SMURF1: variants seen among roughly 807,000 people sequenced by gnomAD.
SMURF1 encodes SMAD specific E3 ubiquitin protein ligase 1, also known as E3 ubiquitin-protein ligase SMURF1.
In SMURF1, 44 loss-of-function variants were observed where a neutral mutation model predicts 98.0. That is an observed-to-expected ratio of 0.45 (90% CI 0.35 to 0.58). The LOEUF (loss-of-function observed/expected upper bound fraction) is 0.58. Among genes scored for constraint, SMURF1 ranks in the 20% least tolerant of loss-of-function variants. The pLI is 0.00. For synonymous variants in SMURF1, 396 were observed against 374.9 expected (o/e 1.06, Z -0.65); for missense variants, 687 against 938.4 (o/e 0.73, Z 3.50).
Position 99,047,883 on chromosome 7 carries a change from C to A in SMURF1, c.954-1G>T. 1 of 1,613,468 alleles carries A rather than the reference C, an allele frequency of 6.2e-7. No individual in the cohort carries two copies. Among genetic ancestry groups the A allele is most frequent in the Non-Finnish European group, 8.5e-7 (1 of 1,180,018 alleles). On this transcript the variant is annotated splice_acceptor_variant, in intron 9 of 17. Coordinates refer to ENST00000361368, the MANE Select transcript of SMURF1 (RefSeq NM_181349.3). LOFTEE classifies it high-confidence loss of function. ...GGGCTCCTTGAGTTGGCACTGGTGA[C>A]TTGAGAAGAAGAGATGCAGAAAGTC...
intron 1 of SMURF1, among the ~76,000 whole-genome samples, chr7:99,073,250 G>T (rs1163908783): frequency 6.6e-6 from 1 of 151,166 alleles, no homozygotes; most frequent in African/African-American, 2.4e-5. Flanking sequence ...CTGGTGTTGG[G>T]CACCTGTAAT....
intron 1 of SMURF1, among the ~76,000 whole-genome samples, chr7:99,106,704 G>A (rs1584186547): frequency 6.6e-6 from 1 of 152,268 alleles, no homozygotes; most frequent in East Asian, 1.9e-4. Context: ...TTGAGCCTGG[G>A]AGTTCAAATC....
chr7:99,137,728 G>A (rs192769959), intron 1 of SMURF1, among the ~76,000 whole-genome samples: 5 of 152,366 alleles, frequency 3.3e-5, no homozygotes, highest in East Asian at 3.9e-4. Context: ...GAATTACAGA[G>A]TGGGGCGCGT....
At chr7:99,088,990 G>A (rs1464833250) in intron 1 of SMURF1, among the ~76,000 whole-genome samples, 1 of 152,144 alleles carries the variant, frequency 6.6e-6, no homozygotes, top group African/African-American at 2.4e-5. Flanking sequence ...CAGATCACAA[G>A]GTCAAGAGAT....
intron 5 of SMURF1, among the ~76,000 whole-genome samples, chr7:99,055,735 C>G (rs571593029): frequency 4.0e-4 from 61 of 152,072 alleles, no homozygotes; most frequent in Non-Finnish European, 6.6e-4. Flanking sequence ...GAGGCTAAGG[C>G]GGGCGGATCA....
chr7:99,128,265 G>T (rs1288090575), intron 1 of SMURF1, among the ~76,000 whole-genome samples: 2 of 152,196 alleles, frequency 1.3e-5, no homozygotes, highest in Non-Finnish European at 2.9e-5. Flanking sequence ...CTGTTCTCAT[G>T]TGGTTGTCTT....
intron 1 of SMURF1, among the ~76,000 whole-genome samples, chr7:99,109,647 G>T (rs529428813): frequency 6.6e-6 from 1 of 152,054 alleles, no homozygotes; most frequent in Non-Finnish European, 1.5e-5. Flanking sequence ...CTTTGAACTC[G>T]TATATAACCC....
intron 17 of SMURF1, 73 bp downstream of exon 17, chr7:99,032,964 C>CAAA: frequency 1.1e-5 from 14 of 1,308,584 alleles, no homozygotes; most frequent in East Asian, 2.8e-5. Flanking sequence ...AAAAAAACAA[C>CAAA]AAAAAAAAAA....
intron 1 of SMURF1, among the ~76,000 whole-genome samples, chr7:99,089,642 TAAAAC>T (rs59262301): frequency 0.091 from 13,765 of 151,804 alleles, 727 homozygotes; most frequent in East Asian, 0.17. Context: ...CCCTGTCTCT[TAAAAC>T]AAAACAAAAC....
At chr7:99,071,003 ATAAAG>A (rs1387623487) in intron 1 of SMURF1, among the ~76,000 whole-genome samples, 1 of 152,080 alleles carries the variant, frequency 6.6e-6, no homozygotes, top group Non-Finnish European at 1.5e-5. Flanking sequence ...TGAGGGAGAA[ATAAAG>A]TAATAAAGTA....
At chr7:99,088,384 T>C (rs2150575647) in intron 1 of SMURF1, among the ~76,000 whole-genome samples, 1 of 152,186 alleles carries the variant, frequency 6.6e-6, no homozygotes, top group Non-Finnish European at 1.5e-5. Context: ...GCAACCAACA[T>C]GCTCCACCTC....
chr7:99,052,407 G>C lies in SMURF1; in HGVS notation c.519C>G (p.Ser173Arg). 1 of 1,598,838 alleles carries C rather than the reference G, an allele frequency of 6.3e-7. No homozygotes were observed. Among genetic ancestry groups the C allele is most frequent in the Non-Finnish European group, 8.5e-7 (1 of 1,171,338 alleles). ...YEDSGPGRPL[S>R]CFMEEPAPYT... is the part of the protein sequence containing the mutation. ...AAGGGGCTGGTTCCTCCATGAAGCA[G>C]CTGAGCGGCCTCCCAGGCCCGGAGT... The change falls in exon 7 of 18, where the codon AGC (serine) becomes AGG (arginine). Residue 173 changes from serine to arginine, a missense_variant. By Grantham distance (110) the Ser-to-Arg change is moderately radical. Transcript: ENST00000361368.
intron 1 of SMURF1, among the ~76,000 whole-genome samples, chr7:99,128,405 CA>C (rs939181685): frequency 1.3e-5 from 2 of 151,790 alleles, no homozygotes; most frequent in South Asian, 2.1e-4. Flanking sequence ...CAAGCCTTTA[CA>C]AAAAAAACAG....
intron 6 of SMURF1, among the ~76,000 whole-genome samples, chr7:99,052,876 C>T (rs1795793283): frequency 6.6e-6 from 1 of 152,086 alleles, no homozygotes; most frequent in African/African-American, 2.4e-5. Context: ...CCAGCCTGGC[C>T]AACATGATGA....
intron 16 of SMURF1, among the ~76,000 whole-genome samples, chr7:99,034,479 C>CTCCCCACTCACACCTCCTGTTTT (rs1795046875): frequency 6.6e-6 from 1 of 152,322 alleles, no homozygotes; most frequent in Admixed American, 6.5e-5. Context: ...CCTGCCCTGC[C>CTCCCCACTCACACCTCCTGTTTT]TCCCCACTCA....
At chr7:99,061,982 A>C (rs1796044407) in intron 1 of SMURF1, 145 bp from the exon 2 acceptor site, 2 of 540,040 alleles carry the variant, frequency 3.7e-6, no homozygotes, top group Admixed American at 7.3e-5. Context: ...TATGAAACAA[A>C]AAATGGACAA....
chr7:99,074,427 G>GA (rs1413264458), intron 1 of SMURF1, among the ~76,000 whole-genome samples: 2 of 151,914 alleles, frequency 1.3e-5, no homozygotes, highest in Non-Finnish European at 2.9e-5. Context: ...GATGATGGGG[G>GA]AAAAAAGATA....
intron 1 of SMURF1, among the ~76,000 whole-genome samples, chr7:99,095,071 T>TATTTC (rs1394145060): frequency 2.0e-5 from 3 of 151,208 alleles, no homozygotes; most frequent in Non-Finnish European, 4.4e-5. Flanking sequence ...TTGTTTATTT[T>TATTTC]ATTTTATTTT....
chr7:99,080,479 A>G (rs1450139305), intron 1 of SMURF1, among the ~76,000 whole-genome samples: 1 of 152,098 alleles, frequency 6.6e-6, no homozygotes, highest in Non-Finnish European at 1.5e-5. Flanking sequence ...TTGTATTTTT[A>G]GTAGAGATGG....
Sources: gnomAD v4.1 joint callset for allele counts (sites outside exome capture counted in the v4.1 genomes callset) on GRCh38, gnomAD v4.1.1 for gene constraint, MANE v1.5 for transcripts, NCBI Gene and HGNC (gene_info 2026-07-23, HGNC 2026-07-21) for gene names.